SHBG: variants seen among roughly 807,000 people sequenced by gnomAD.
SHBG encodes sex hormone binding globulin.
In SHBG, 37 loss-of-function variants were observed where a neutral mutation model predicts 41.9. That is an observed-to-expected ratio of 0.88 (90% CI 0.68 to 1.16). SHBG has a LOEUF of 1.16. Ranked by LOEUF, SHBG falls within the 50% of genes most tolerant of loss-of-function variation. SHBG has a pLI of 0.00. For missense variants in SHBG, 466 were observed against 499.9 expected, an observed-to-expected ratio of 0.93 and a Z score of 0.65; for synonymous variants, 217 against 205.8, an observed-to-expected ratio of 1.05 and a Z score of -0.47.
At chr17:7,624,382 G>A (rs2072154024), upstream of SHBG, among the ~76,000 whole-genome samples, 1 of 151,644 alleles carries the variant, frequency 6.6e-6, no homozygotes, top group Non-Finnish European at 1.5e-5. Context: ...CAGGTAGCTG[G>A]AATTACATGG....
At chr17:7,627,325 C>T (rs373867779), upstream of SHBG, 120 of 1,613,676 alleles carry the variant, frequency 7.4e-5, no homozygotes, top group Non-Finnish European at 8.3e-5. This position sits in a 1 kb window ranked among gnomAD's most constrained non-coding sequence, Gnocchi z 4.8. Flanking sequence ...CTCATTTCCT[C>T]CCCAGCCTCC....
chr17:7,630,462 A>G lies in SHBG; in HGVS notation c.158A>G (p.Gln53Arg), dbSNP rs1232792580. 3.7e-6 allele frequency: 6 copies of G among 1,614,038 alleles called. No individual in the cohort carries two copies. The highest frequency in any genetic ancestry group is 5.1e-6 in the Non-Finnish European group (6 of 1,180,024). The change falls in exon 2 of 8, where the codon CAA (glutamine) becomes CGA (arginine). Residue 53 changes from glutamine (Q) to arginine (R), a missense_variant. Gln to Arg is a conservative substitution (Grantham distance 43). Transcript: ENST00000380450. The surrounding 1 kb of genome is among the most constrained non-coding windows in gnomAD (Gnocchi z 4.6). ...GTCCACCTCAGCAATGGCCCAGGACAAGAGCCTATCGCTGTCATGACCTTT... is the reference window on the plus strand; with the variant it reads ...GTCCACCTCAGCAATGGCCCAGGACGAGAGCCTATCGCTGTCATGACCTTT... ...PAVHLSNGPG[Q>R]EPIAVMTFDL...
At chr17:7,623,571 A>G (rs901269572), upstream of SHBG, among the ~76,000 whole-genome samples, 1 of 152,114 alleles carries the variant, frequency 6.6e-6, no homozygotes, top group Non-Finnish European at 1.5e-5. Context: ...CCGTCCTCCC[A>G]TCTCAGCCCC....
intron 1 of SHBG, among the ~76,000 whole-genome samples, chr17:7,617,335 C>T (rs185435367): frequency 3.9e-5 from 6 of 152,152 alleles, no homozygotes; most frequent in Admixed American, 3.9e-4. Context: ...AGGCACAGGG[C>T]TCATGCCTGT....
upstream of SHBG, chr17:7,626,382 T>C: frequency 6.4e-7 from 1 of 1,570,644 alleles, no homozygotes; most frequent in Non-Finnish European, 8.7e-7. Flanking sequence ...GGACGTAGTC[T>C]CTGAAGAGTG....
intron 6 of SHBG, 126 bp downstream of exon 6, chr17:7,632,141 C>G: frequency 9.5e-7 from 1 of 1,057,996 alleles, no homozygotes; most frequent in Non-Finnish European, 1.4e-6. Flanking sequence ...ACTGGCTCCA[C>G]AGAATTGTTT....
chr17:7,620,175 G>A (rs2072065338), intron 1 of SHBG, among the ~76,000 whole-genome samples: 1 of 151,942 alleles, frequency 6.6e-6, no homozygotes, highest in Non-Finnish European at 1.5e-5. Flanking sequence ...TCAAGAAGTG[G>A]TAATACTGGC....
chr17:7,622,886 A>C (rs2072124095), intron 1 of SHBG, among the ~76,000 whole-genome samples: 1 of 151,240 alleles, frequency 6.6e-6, no homozygotes, highest in Non-Finnish European at 1.5e-5. Flanking sequence ...AAAAAAAAAA[A>C]ATTAGCTGGG....
At chr17:7,631,457 A>C in intron 4 of SHBG, 96 bp downstream of exon 4, 11 of 1,569,866 alleles carry the variant, frequency 7.0e-6, no homozygotes, top group Non-Finnish European at 9.6e-6. Flanking sequence ...TTTAGGGAGA[A>C]GGGAAGGGTT....
chr17:7,625,974 C>T (rs1376028127), upstream of SHBG, among the ~76,000 whole-genome samples: 3 of 150,556 alleles, frequency 2.0e-5, no homozygotes, highest in African/African-American at 2.4e-5. Flanking sequence ...GAGGCCGAGG[C>T]GGACGGATCA....
At chr17:7,626,656 G>T (rs1296659363), upstream of SHBG, 1 of 1,610,888 alleles carries the variant, frequency 6.2e-7, no homozygotes, top group Non-Finnish European at 8.5e-7. Flanking sequence ...GGTCAAAAAA[G>T]AAAAAGGTTT....
At chr17:7,624,970 A>ATGGAGTTTT (rs2072167802), upstream of SHBG, among the ~76,000 whole-genome samples, 1 of 81,492 alleles carries the variant, frequency 1.2e-5, no homozygotes, top group African/African-American at 5.1e-5. Flanking sequence ...TTTTTTGGAG[A>ATGGAGTTTT]TGGAGTTTTG....
rs916115825 is a variant in SHBG at position 7,630,316 on chromosome 17, C to T, written c.111+33C>T. On this transcript the variant is annotated intron_variant, in intron 1 of 7. Coordinates refer to ENST00000380450, the MANE Select transcript of SHBG (RefSeq NM_001040.5). This position sits in a 1 kb window ranked among gnomAD's most constrained non-coding sequence, Gnocchi z 4.6. Reference sequence around the variant, plus strand: ...AGCGGGACAGGGCACTCAGCTCATGCAGTCTTCCCTTCTCTCCTCTGGCCC... The same window carrying T: ...AGCGGGACAGGGCACTCAGCTCATGTAGTCTTCCCTTCTCTCCTCTGGCCC... The T allele has an allele frequency of 2.5e-6, 4 of 1,595,846 alleles. No individual in the cohort carries two copies. The African/African-American group carries it at 5.4e-5, about 21-fold the overall frequency.
At position 7,631,992 on chromosome 17, in the gene SHBG, C is replaced by A. The variant is rs532716533; in HGVS notation, c.829C>A (p.Leu277Ile). 32 of 1,613,918 alleles carry A rather than the reference C, an allele frequency of 2.0e-5. No homozygotes were observed. Among genetic ancestry groups the A allele is most frequent in the Non-Finnish European group, 2.7e-5 (32 of 1,180,014 alleles). The change falls in exon 6 of 8, where the codon CTC becomes ATC. Residue 277 changes from leucine to isoleucine, a missense_variant. By Grantham distance (5) the Leu-to-Ile change is conservative. Coordinates refer to ENST00000380450, the MANE Select transcript of SHBG (RefSeq NM_001040.5). The stretch of plus-strand genomic sequence containing the variant: ...TGGGACACCAGAGAACCCATCTTGG[C>A]TCAGTCTCCACCTCCAAGATCAAGT... Reference protein sequence around the residue: ...ALGTPENPSWLSLHLQDQKVV... With the variant: ...ALGTPENPSWISLHLQDQKVV...
upstream of SHBG, chr17:7,627,176 C>T: frequency 6.2e-7 from 1 of 1,614,108 alleles, no homozygotes; most frequent in African/African-American, 1.3e-5. This position sits in a 1 kb window ranked among gnomAD's most constrained non-coding sequence, Gnocchi z 4.8. Flanking sequence ...AGAATCTCTG[C>T]TACCAAACAG....
At chr17:7,629,056 C>G (rs2150965462), upstream of SHBG, among the ~76,000 whole-genome samples, 1 of 149,314 alleles carries the variant, frequency 6.7e-6, no homozygotes, top group East Asian at 2.0e-4. Context: ...AACTCCATCT[C>G]AAAATAAATA....
At chr17:7,614,095 T>C (rs944576773) in exon 1 of SHBG, 1 of 506,032 alleles carries the variant, frequency 2.0e-6, no homozygotes, top group Non-Finnish European at 3.8e-6. Flanking sequence ...GTGGGGAAGA[T>C]GTGATTAAGG....
Position 7,631,232 on chromosome 17 carries a change from G to C in SHBG, c.426G>C (p.Leu142=), listed in dbSNP as rs766588408. The C allele has an allele frequency of 1.9e-5, 31 of 1,595,470 alleles. No individual in the cohort carries two copies. Among genetic ancestry groups the C allele is most frequent in the Non-Finnish European group, 2.6e-5 (30 of 1,171,138 alleles). The part of the protein sequence containing the change: ...VEVKMEGDSV[L]LEVDGEEVLR... Reference sequence around the variant, plus strand: ...TCAAGATGGAGGGGGACTCTGTGCTGCTGGAGGTGGATGGGGAGGAGGTGC... The same window carrying C: ...TCAAGATGGAGGGGGACTCTGTGCTCCTGGAGGTGGATGGGGAGGAGGTGC... Residue 142 remains leucine (L), a synonymous_variant, in exon 4 of 8, where the codon CTG becomes CTC. Transcript: ENST00000380450.
upstream of SHBG, chr17:7,627,737 CG>C: frequency 1.0e-6 from 1 of 999,520 alleles, no homozygotes; most frequent in East Asian, 2.9e-5. The surrounding 1 kb of genome is among the most constrained non-coding windows in gnomAD (Gnocchi z 4.8). Flanking sequence ...CCTGAGAGAG[CG>C]GGGTGGCGGG....
Sources: gnomAD v4.1 joint callset for allele counts (sites outside exome capture counted in the v4.1 genomes callset) on GRCh38, gnomAD v4.1.1 for gene constraint, Gnocchi (gnomAD v3.1) non-coding constraint, MANE v1.5 for transcripts, NCBI Gene and HGNC (gene_info 2026-07-23, HGNC 2026-07-21) for gene names.